The following GRIK3 variants were observed in gnomAD, a reference collection of about 807,000 sequenced individuals.
GRIK3 encodes the protein glutamate receptor ionotropic, kainate 3.
In GRIK3, 29 loss-of-function variants were observed where a neutral mutation model predicts 102.5. The observed-to-expected ratio is 0.28, with a 90% CI of 0.21 to 0.39. The LOEUF is 0.39. Among genes scored for constraint, GRIK3 ranks in the 10% least tolerant of loss-of-function variants. The probability of loss-of-function intolerance (pLI) is 1.00; values close to 1 mark genes in which losing one functional copy is unlikely to be tolerated. For missense variants in GRIK3, 908 were observed against 1,252.4 expected, an observed-to-expected ratio of 0.73 and a Z score of 4.15; for synonymous variants, 511 against 504.9, an observed-to-expected ratio of 1.01 and a Z score of -0.16.
chr1:36,938,895 T>C (rs1429108101), intron 1 of GRIK3, among the ~76,000 whole-genome samples: 2 of 152,180 alleles, frequency 1.3e-5, no homozygotes, highest in African/African-American at 2.4e-5. Flanking sequence ...CCAGAGGCTA[T>C]GATTCTGGCC....
intron 1 of GRIK3, among the ~76,000 whole-genome samples, chr1:36,974,551 C>G (rs1489082457): frequency 6.6e-6 from 1 of 152,066 alleles, no homozygotes; most frequent in Admixed American, 6.5e-5. Flanking sequence ...GTAATCCCAG[C>G]ATTTTGGGAG....
At chr1:36,959,042 A>T (rs1641965036) in intron 1 of GRIK3, among the ~76,000 whole-genome samples, 1 of 99,942 alleles carries the variant, frequency 1.0e-5, no homozygotes, top group African/African-American at 3.3e-5. Flanking sequence ...GTGCCCTGTG[A>T]GTCTGTGTGC....
intron 11 of GRIK3, among the ~76,000 whole-genome samples, chr1:36,821,380 C>A (rs1434941100): frequency 6.6e-6 from 1 of 152,204 alleles, no homozygotes; most frequent in African/African-American, 2.4e-5. Flanking sequence ...CTTTGGAGAG[C>A]TGGGTGTCCA....
intron 1 of GRIK3, among the ~76,000 whole-genome samples, chr1:36,910,490 G>A (rs1641332623): frequency 6.6e-6 from 1 of 151,652 alleles, no homozygotes; most frequent in Non-Finnish European, 1.5e-5. Context: ...CTGCGCCTTA[G>A]CCAGACCCCT....
chr1:36,851,003 G>A (rs1640578683), intron 8 of GRIK3, among the ~76,000 whole-genome samples: 1 of 152,210 alleles, frequency 6.6e-6, no homozygotes, highest in Non-Finnish European at 1.5e-5. Context: ...GCTAGAGGTA[G>A]AGAAGGAAAG....
intron 1 of GRIK3, among the ~76,000 whole-genome samples, chr1:36,912,177 T>C (rs1641352294): frequency 6.6e-6 from 1 of 152,140 alleles, no homozygotes; most frequent in Admixed American, 6.5e-5. Flanking sequence ...CTGAGCCTTG[T>C]GCAACAGACA....
chr1:36,841,589 C>A, intron 10 of GRIK3, 147 bp downstream of exon 10: 1 of 690,504 alleles, frequency 1.4e-6, no homozygotes, highest in South Asian at 1.8e-5. Context: ...GCTGAGGCCC[C>A]CCAGTCCTCA....
At chr1:36,997,244 C>A (rs150178683) in intron 1 of GRIK3, among the ~76,000 whole-genome samples, 1 of 152,246 alleles carries the variant, frequency 6.6e-6, no homozygotes, top group East Asian at 1.9e-4. Flanking sequence ...TAGGGGCAGG[C>A]ACTTTGGGCG....
chr1:36,825,817 G>A lies in GRIK3; in HGVS notation c.1540C>T (p.Leu514=), dbSNP rs1642749528. ...GTGATGGTCAGGGGGGCCACGGCCAGATCTGCCTTCTGCAACCAGACAGAG... is the reference window on the plus strand; with the variant it reads ...GTGATGGTCAGGGGGGCCACGGCCAAATCTGCCTTCTGCAACCAGACAGAG... ...VKELIDHKAD[L]AVAPLTITHV... is the part of the protein sequence containing the mutation. Residue 514 remains leucine (L), a synonymous_variant, in exon 11 of 16, where the codon CTG becomes TTG. Coordinates refer to ENST00000373091, the MANE Select transcript of GRIK3 (RefSeq NM_000831.4). 1 of 1,607,354 alleles carries A rather than the reference G, an allele frequency of 6.2e-7. No individual in the cohort carries two copies. The highest frequency in any genetic ancestry group is 8.5e-7 in the Non-Finnish European group (1 of 1,176,388).
At chr1:36,857,941 CTAGGAG>C in intron 7 of GRIK3, among the ~76,000 whole-genome samples, 1 of 152,250 alleles carries the variant, frequency 6.6e-6, no homozygotes, top group Non-Finnish European at 1.5e-5. Flanking sequence ...CAGGGCATAG[CTAGGAG>C]CCTGGAACCC....
intron 1 of GRIK3, among the ~76,000 whole-genome samples, chr1:36,949,432 C>T (rs1641818596): frequency 6.6e-6 from 1 of 152,198 alleles, no homozygotes; most frequent in South Asian, 2.1e-4. Flanking sequence ...GGCTTTCAAT[C>T]CCAACAGCCT....
Position 36,996,176 on chromosome 1 carries a change from GA to G in GRIK3, c.115+37817del, listed in dbSNP as rs1177255996. ...AAGGCCCTGCTTCCAGGATCTTACG[GA>G]AAAAGGCTCCTGACAACAAGTGGGA... On this transcript the variant is annotated intron_variant, in intron 1 of 15. Transcript: ENST00000373091. Among the ~76,000 whole-genome samples the G allele has an allele frequency of 2.6e-5, 4 of 152,338 alleles. 1 individual carries two copies. Among genetic ancestry groups the G allele is most frequent in the African/African-American group, 9.6e-5 (4 of 41,576 alleles).
chr1:36,887,767 A>AT (rs1466580543), intron 2 of GRIK3, among the ~76,000 whole-genome samples: 613 of 106,364 alleles, frequency 5.8e-3, no homozygotes, highest in South Asian at 9.1e-3. Context: ...AAAAAAAAAA[A>AT]AAAAATATAT....
intron 1 of GRIK3, among the ~76,000 whole-genome samples, chr1:37,001,724 C>G (rs564198): frequency 0.33 from 49,999 of 152,078 alleles, 8,638 homozygotes; most frequent in Non-Finnish European, 0.36. Flanking sequence ...AGAGGCAAAA[C>G]CTGAGATAAA....
intron 14 of GRIK3, among the ~76,000 whole-genome samples, chr1:36,805,646 G>T (rs544750621): frequency 1.1e-4 from 16 of 152,286 alleles, no homozygotes; most frequent in African/African-American, 3.8e-4. Context: ...CTGAGAAAAT[G>T]TCACTTTTGT....
At chr1:37,008,536 C>G (rs1028856850) in intron 1 of GRIK3, among the ~76,000 whole-genome samples, 1 of 152,226 alleles carries the variant, frequency 6.6e-6, no homozygotes, top group African/African-American at 2.4e-5. Flanking sequence ...ATTTTCCCTC[C>G]CTGACATTGG....
intron 1 of GRIK3, among the ~76,000 whole-genome samples, chr1:36,939,251 G>C (rs1641694519): frequency 6.6e-6 from 1 of 152,252 alleles, no homozygotes; most frequent in Non-Finnish European, 1.5e-5. Context: ...CCCAAGGGGA[G>C]TAGCAACATC....
At chr1:36,930,589 A>G (rs978716993) in intron 1 of GRIK3, among the ~76,000 whole-genome samples, 1 of 152,232 alleles carries the variant, frequency 6.6e-6, no homozygotes, top group Non-Finnish European at 1.5e-5. Flanking sequence ...ATGTAAGTCT[A>G]CTAGCCTGAA....
At position 36,880,086 on chromosome 1, in the gene GRIK3, C is replaced by T. The variant is rs960200607; in HGVS notation, c.550+548G>A. ...GCATGTCAGTGCTTGTCACTGTCATCTTGTAATCCCACATTTTACAGATTT... is the reference window on the plus strand; with the variant it reads ...GCATGTCAGTGCTTGTCACTGTCATTTTGTAATCCCACATTTTACAGATTT... On this transcript the variant is annotated intron_variant, in intron 3 of 15. Transcript: ENST00000373091. The surrounding 1 kb of genome is among the most constrained non-coding windows in gnomAD (Gnocchi z 5.4). Among the ~76,000 whole-genome samples the T allele has an allele frequency of 6.6e-6, 1 of 152,108 alleles. No homozygotes were observed. The highest frequency in any genetic ancestry group is 6.5e-5 in the Admixed American group (1 of 15,280).
Sources: allele counts gnomAD v4.1 joint callset (sites outside exome capture counted in the v4.1 genomes callset), GRCh38; gene constraint gnomAD v4.1.1; non-coding constraint Gnocchi (gnomAD v3.1); transcripts MANE v1.5; gene names NCBI Gene and HGNC (gene_info 2026-07-23, HGNC 2026-07-21).